APC: variants seen among roughly 807,000 people sequenced by gnomAD.
APC encodes adenomatous polyposis coli protein.
Under a neutral mutation model 247.0 loss-of-function variants are expected in APC, and 72 were observed. The ratio of observed to expected loss-of-function variants is 0.29; its 90% CI spans 0.24 to 0.35. The LOEUF is 0.35. APC is among the 10% of genes least tolerant of loss of function. APC has a pLI of 1.00. For synonymous variants in APC, 1,254 were observed against 1,162.5 expected, an observed-to-expected ratio of 1.08 and a Z score of -1.60; for missense variants, 3,400 against 3,360.7, an observed-to-expected ratio of 1.01 and a Z score of -0.29.
At chr5:112,758,313 GTTTGTTT>G (rs67638832) in intron 2 of APC, among the ~76,000 whole-genome samples, 60,915 of 151,034 alleles carry the variant, frequency 0.4, 14,517 homozygotes, top group East Asian at 0.65. Flanking sequence ...TTTTTTGTTT[GTTTGTTT>G]TTTGTTTTTT....
intron 8 of APC, among the ~76,000 whole-genome samples, chr5:112,812,831 G>A (rs898400420): frequency 4.6e-5 from 7 of 152,214 alleles, no homozygotes; most frequent in Non-Finnish European, 7.3e-5. Context: ...GGCAATATTT[G>A]TTGCTTGGTT....
intron 1 of APC, among the ~76,000 whole-genome samples, chr5:112,751,675 T>C (rs1754383526): frequency 6.6e-6 from 1 of 151,944 alleles, no homozygotes; most frequent in Non-Finnish European, 1.5e-5. Flanking sequence ...TGCCAAATTA[T>C]ATTATTATAA....
intron 9 of APC, among the ~76,000 whole-genome samples, chr5:112,816,833 T>C (rs185346469): frequency 5.3e-5 from 8 of 152,134 alleles, no homozygotes; most frequent in African/African-American, 1.9e-4. Context: ...TACTTTATTA[T>C]TTTAAAGTCA....
At chr5:112,773,477 T>A (rs959121534) in intron 4 of APC, among the ~76,000 whole-genome samples, 4 of 152,116 alleles carry the variant, frequency 2.6e-5, no homozygotes, top group Non-Finnish European at 5.9e-5. Context: ...CAGTCAAAAA[T>A]ATATATATAA....
chr5:112,792,007 G>A (rs1759660699), intron 6 of APC, among the ~76,000 whole-genome samples: 1 of 152,092 alleles, frequency 6.6e-6, no homozygotes, highest in South Asian at 2.1e-4. Flanking sequence ...CAGCACTTTG[G>A]GAAGCCGAGG....
At position 112,835,172 on chromosome 5, in the gene APC, A is replaced by G. The variant is rs1057524097; in HGVS notation, c.1958+7A>G. ...CTACAAATGAGGACCACAGGTATATATAGAGTTTTATATTACTTTTAAAGT... is the reference window on the plus strand; with the variant it reads ...CTACAAATGAGGACCACAGGTATATGTAGAGTTTTATATTACTTTTAAAGT... On this transcript the variant is annotated splice_region_variant and intron_variant, in intron 15 of 15. Coordinates refer to ENST00000257430, the MANE Select transcript of APC (RefSeq NM_000038.6). The G allele has an allele frequency of 3.7e-6, 6 of 1,603,418 alleles. No individual in the cohort carries two copies. The East Asian group carries it at 9.0e-5, about 24-fold the overall frequency.
At chr5:112,818,035 A>T (rs1317089904) in intron 9 of APC, among the ~76,000 whole-genome samples, 1 of 152,202 alleles carries the variant, frequency 6.6e-6, no homozygotes, top group Non-Finnish European at 1.5e-5. Flanking sequence ...TAGAATGTAT[A>T]GTAACGTCCC....
intron 2 of APC, among the ~76,000 whole-genome samples, chr5:112,766,071 TAATG>T (rs1326450485): frequency 6.6e-6 from 1 of 152,152 alleles, no homozygotes; most frequent in Non-Finnish European, 1.5e-5. Flanking sequence ...AGGTTTGAAA[TAATG>T]AATGTATCTT....
At chr5:112,790,172 T>C (rs111392763) in intron 6 of APC, among the ~76,000 whole-genome samples, 146 of 152,268 alleles carry the variant, frequency 9.6e-4, no homozygotes, top group African/African-American at 3.2e-3. Flanking sequence ...AGAATATTTT[T>C]TTACCTTAAG....
At chr5:112,716,601 G>C (rs1291730309) in intron 1 of APC, among the ~76,000 whole-genome samples, 2 of 151,990 alleles carry the variant, frequency 1.3e-5, no homozygotes, top group Admixed American at 1.3e-4. Flanking sequence ...AAGTATCGTA[G>C]GTGATCTTTT....
intron 4 of APC, among the ~76,000 whole-genome samples, chr5:112,769,518 A>G (rs1344890805): frequency 8.2e-6 from 1 of 121,472 alleles, no homozygotes; most frequent in Non-Finnish European, 2.0e-5. Flanking sequence ...AACTTCGTCA[A>G]ATGTTTTATG....
At chr5:112,795,982 A>T (rs746107417) in intron 7 of APC, among the ~76,000 whole-genome samples, 1 of 152,226 alleles carries the variant, frequency 6.6e-6, no homozygotes, top group Non-Finnish European at 1.5e-5. Context: ...TAAGTCCAAG[A>T]AGATGAAATC....
chr5:112,837,133 A>G (rs1043273549), intron 15 of APC, among the ~76,000 whole-genome samples: 1 of 152,234 alleles, frequency 6.6e-6, no homozygotes, highest in Non-Finnish European at 1.5e-5. Context: ...AATCAATTCT[A>G]TCTACCTCTT....
At chr5:112,766,246 A>G (rs1414346259) in intron 2 of APC, 80 bp from the exon 3 acceptor site, 1 of 1,032,368 alleles carries the variant, frequency 9.7e-7, no homozygotes, top group East Asian at 2.4e-5. Context: ...TTCTCAGCAT[A>G]CTTAAATGTC....
chr5:112,750,297 G>A lies in APC; in HGVS notation c.-18-4576G>A, dbSNP rs184966589. 8.5e-5 allele frequency among the ~76,000 whole-genome samples: 13 copies of A among 152,214 alleles called. No homozygotes were observed. The East Asian group carries it at 2.3e-3, about 27-fold the overall frequency. On this transcript the variant is annotated intron_variant, in intron 1 of 15. Coordinates refer to ENST00000257430, the MANE Select transcript of APC (RefSeq NM_000038.6). ...GCTTTTCAAACTCTTCAAAGGGTATGTAATAAAAAGGAAGGCTTACCACCA... is the reference window on the plus strand; with the variant it reads ...GCTTTTCAAACTCTTCAAAGGGTATATAATAAAAAGGAAGGCTTACCACCA...
At position 112,838,609 on chromosome 5, in the gene APC, C is replaced by T. The variant is rs928401523; in HGVS notation, c.3015C>T (p.Ala1005=). Reference sequence around the variant, plus strand: ...ATGGTCAATACCCAGCCGACCTAGCCCATAAAATACATAGTGCAAATCATA... The same window carrying T: ...ATGGTCAATACCCAGCCGACCTAGCTCATAAAATACATAGTGCAAATCATA... ...CSYGQYPADL[A]HKIHSANHMD... is the part of the protein sequence containing the mutation. The change falls in exon 16 of 16, where the codon GCC becomes GCT. Residue 1005 remains alanine, a synonymous_variant. Coordinates refer to ENST00000257430, the MANE Select transcript of APC (RefSeq NM_000038.6). 6.2e-7 allele frequency: 1 copy of T among 1,613,922 alleles called. No homozygotes were observed.
At chr5:112,747,213 GATAC>G (rs1753786384) in intron 1 of APC, among the ~76,000 whole-genome samples, 1 of 149,280 alleles carries the variant, frequency 6.7e-6, no homozygotes, top group South Asian at 2.2e-4. Flanking sequence ...TGATGTGAAA[GATAC>G]AGAGGCATAG....
At chr5:112,815,955 A>G (rs571888331) in intron 9 of APC, among the ~76,000 whole-genome samples, 1 of 152,222 alleles carries the variant, frequency 6.6e-6, no homozygotes, top group Non-Finnish European at 1.5e-5. Flanking sequence ...TTTTTATACA[A>G]CGAAGCATAA....
intron 1 of APC, among the ~76,000 whole-genome samples, chr5:112,750,164 T>A (rs1754171103): frequency 6.6e-6 from 1 of 151,992 alleles, no homozygotes; most frequent in Admixed American, 6.5e-5. Context: ...GGTTTCACCA[T>A]GTTGGCCAGA....
Sources: allele counts gnomAD v4.1 joint callset (sites outside exome capture counted in the v4.1 genomes callset), GRCh38; gene constraint gnomAD v4.1.1; transcripts MANE v1.5; gene names NCBI Gene and HGNC (gene_info 2026-07-23, HGNC 2026-07-21).